SYT14: variants seen among roughly 807,000 people sequenced by gnomAD.
SYT14 encodes the protein synaptotagmin-14.
SYT14 carries 32 observed loss-of-function variants against 74.2 expected under a neutral mutation model. The observed-to-expected ratio is 0.43, with a 90% CI of 0.33 to 0.58. SYT14 has a LOEUF of 0.58. Ranked by LOEUF, SYT14 falls within the 20% of genes least tolerant of loss-of-function variation. SYT14 has a pLI of 0.05. For synonymous variants in SYT14, 298 were observed against 337.7 expected, an observed-to-expected ratio of 0.88 and a Z score of 1.29; for missense variants, 791 against 981.8, an observed-to-expected ratio of 0.81 and a Z score of 2.60.
chr1:210,030,131 T>TG (rs1159810720), intron 5 of SYT14, among the ~76,000 whole-genome samples: 6 of 151,190 alleles, frequency 4.0e-5, no homozygotes, highest in Non-Finnish European at 5.9e-5. Context: ...GTTTATTAGT[T>TG]TTTTTTGTTT....
intron 2 of SYT14, among the ~76,000 whole-genome samples, chr1:209,970,638 T>C (rs1396784730): frequency 6.7e-6 from 1 of 148,804 alleles, no homozygotes; most frequent in Non-Finnish European, 1.5e-5. Context: ...GCATTGAATT[T>C]ACAGATTGCT....
chr1:210,067,033 A>C (rs760043779), intron 5 of SYT14, among the ~76,000 whole-genome samples: 3 of 152,088 alleles, frequency 2.0e-5, no homozygotes, highest in Non-Finnish European at 2.9e-5. Context: ...GCATGTGAAT[A>C]ACCACTTAGC....
At chr1:209,945,876 A>G (rs1156763858) in intron 1 of SYT14, among the ~76,000 whole-genome samples, 1 of 152,178 alleles carries the variant, frequency 6.6e-6, no homozygotes, top group African/African-American at 2.4e-5. Context: ...TTACAAATTG[A>G]AAGTTTGTGG....
chr1:209,992,326 A>G lies in SYT14; in HGVS notation c.-485-21307A>G, dbSNP rs72649930. On this transcript the variant is annotated intron_variant, in intron 2 of 9. Coordinates refer to ENST00000637265, the Ensembl canonical transcript of SYT14. ...CACCTGGCTAAAAAATGTGGTTTAT[A>G]TAACCATGGAATACTACTCAACTAT... is the stretch of plus-strand genomic sequence containing the variant. Among the ~76,000 whole-genome samples the G allele has an allele frequency of 0.015, 2,299 of 152,234 alleles. 171 individuals are homozygous for G. The East Asian group carries it at 0.23, about 16-fold the overall frequency.
intron 7 of SYT14, among the ~76,000 whole-genome samples, chr1:210,123,627 TAA>T (rs1370850548): frequency 3.3e-5 from 5 of 152,182 alleles, no homozygotes; most frequent in Admixed American, 2.0e-4. Flanking sequence ...TACTGACATT[TAA>T]GAGTCCCCAG....
chr1:209,999,595 T>C (rs776864042), intron 2 of SYT14, among the ~76,000 whole-genome samples: 1 of 152,096 alleles, frequency 6.6e-6, no homozygotes, highest in Non-Finnish European at 1.5e-5. Flanking sequence ...ACCTTGTCAT[T>C]TGCAGCAACA....
intron 7 of SYT14, among the ~76,000 whole-genome samples, chr1:210,136,975 G>A (rs187167762): frequency 1.3e-5 from 2 of 152,252 alleles, no homozygotes; most frequent in Admixed American, 1.3e-4. Flanking sequence ...TAGATGATTA[G>A]CAGTTGAAAC....
At chr1:209,958,971 A>T (rs1368331265) in intron 2 of SYT14, among the ~76,000 whole-genome samples, 3 of 152,140 alleles carry the variant, frequency 2.0e-5, no homozygotes, top group African/African-American at 7.2e-5. Context: ...TGGGAATGTA[A>T]AATGGTACAG....
At chr1:209,960,201 T>TATATACTA (rs1268293461) in intron 2 of SYT14, among the ~76,000 whole-genome samples, 1 of 152,178 alleles carries the variant, frequency 6.6e-6, no homozygotes, top group Non-Finnish European at 1.5e-5. Flanking sequence ...TTAGTATTTT[T>TATATACTA]ATATACTAAA....
chr1:209,942,129 C>G (rs2078740426), intron 1 of SYT14, among the ~76,000 whole-genome samples: 1 of 152,146 alleles, frequency 6.6e-6, no homozygotes, highest in Admixed American at 6.5e-5. Flanking sequence ...TGTATGATCT[C>G]AAGCCAAGTT....
rs140279882 is a variant in SYT14, at chr1:210,086,658, C to G, written c.1313-7664C>G. Among the ~76,000 whole-genome samples, 5 of 152,170 alleles carry G rather than the reference C, an allele frequency of 3.3e-5. No homozygotes were observed. The East Asian group carries it at 9.6e-4, about 29-fold the overall frequency. ...ATAGATTTAGAAGCCAAGACCCAGG[C>G]GCTCAGTGGACTCACTGCTGTTGAG... On this transcript the variant is annotated intron_variant, in intron 5 of 9. Coordinates refer to ENST00000637265, the Ensembl canonical transcript of SYT14.
rs1000952656 is a variant in SYT14 at position 209,942,366 on chromosome 1, C to A, written c.-534+4089C>A. Among the ~76,000 whole-genome samples the A allele has an allele frequency of 2.4e-5, 3 of 124,224 alleles. No homozygotes were observed. The South Asian group carries it at 9.8e-4, about 40-fold the overall frequency. 81.5% of individuals were successfully genotyped at this position (124,224 alleles called of 152,430 possible). On this transcript the variant is annotated intron_variant, in intron 1 of 9. Coordinates refer to ENST00000637265, the Ensembl canonical transcript of SYT14. ...CCAGCCTCCATGCAAATTTACCCCC[C>A]CCCCCCCGCTCTGTTGTGCAGATTT...
At chr1:210,103,355 C>T (rs1293854656) in intron 7 of SYT14, among the ~76,000 whole-genome samples, 4 of 151,856 alleles carry the variant, frequency 2.6e-5, no homozygotes, top group African/African-American at 7.3e-5. Flanking sequence ...TTGAGACCAT[C>T]CTGGCTAACA....
exon 7 of SYT14, chr1:210,100,257 A>G (rs958544569): frequency 6.2e-7 from 1 of 1,614,140 alleles, no homozygotes; most frequent in Non-Finnish European, 8.5e-7. Flanking sequence ...AGAGAGGACC[A>G]TGCCCTGTCT....
intron 5 of SYT14, among the ~76,000 whole-genome samples, chr1:210,074,222 G>A (rs78821011): frequency 0.017 from 2,578 of 152,194 alleles, 32 homozygotes; most frequent in Non-Finnish European, 0.028. Context: ...GAAGCACTGC[G>A]CAAAGCACTT....
At chr1:209,984,765 G>A (rs1315005113) in intron 2 of SYT14, among the ~76,000 whole-genome samples, 1 of 152,132 alleles carries the variant, frequency 6.6e-6, no homozygotes, top group Non-Finnish European at 1.5e-5. Flanking sequence ...CATGGCACTG[G>A]CATCCCTCAG....
At chr1:209,959,570 A>C (rs1200992402) in intron 2 of SYT14, among the ~76,000 whole-genome samples, 1 of 152,360 alleles carries the variant, frequency 6.6e-6, no homozygotes, top group East Asian at 1.9e-4. Flanking sequence ...TAAATGAATT[A>C]TTGATACAAG....
chr1:210,100,665 A>G (rs868255170), intron 7 of SYT14, among the ~76,000 whole-genome samples: 3 of 152,064 alleles, frequency 2.0e-5, no homozygotes, highest in Non-Finnish European at 2.9e-5. Context: ...ATAATTTGTG[A>G]TTTATGTCTT....
intron 2 of SYT14, among the ~76,000 whole-genome samples, chr1:209,966,812 T>A (rs759331744): frequency 6.6e-6 from 1 of 152,200 alleles, no homozygotes; most frequent in Non-Finnish European, 1.5e-5. Flanking sequence ...GGATGCCTTT[T>A]CTTTCTTTTT....
Sources: allele counts gnomAD v4.1 joint callset (sites outside exome capture counted in the v4.1 genomes callset), GRCh38; gene constraint gnomAD v4.1.1; transcripts MANE v1.5; gene names NCBI Gene and HGNC (gene_info 2026-07-23, HGNC 2026-07-21).